FH: variants seen among roughly 807,000 people sequenced by gnomAD.
FH encodes fumarate hydratase, mitochondrial.
In FH, 22 loss-of-function variants were observed where a neutral mutation model predicts 49.4. The observed-to-expected ratio is 0.45, with a 90% CI of 0.32 to 0.64. The LOEUF (loss-of-function observed/expected upper bound fraction) is 0.64. Among genes scored for constraint, FH ranks in the 30% least tolerant of loss-of-function variants. FH has a pLI of 0.05. For missense variants in FH, 526 were observed against 641.5 expected (o/e 0.82, Z 1.95); for synonymous variants, 208 against 223.0 (o/e 0.93, Z 0.60).
chr1:241,511,453 TA>T (rs1009729428), intron 4 of FH, among the ~76,000 whole-genome samples: 3 of 152,172 alleles, frequency 2.0e-5, no homozygotes, highest in Non-Finnish European at 4.4e-5. Flanking sequence ...TGTCACAGAT[TA>T]GAAGAAACCA....
chr1:241,505,717 C>A (rs1286139178), intron 6 of FH, among the ~76,000 whole-genome samples: 2 of 152,144 alleles, frequency 1.3e-5, no homozygotes, highest in Non-Finnish European at 2.9e-5. Flanking sequence ...ATTTTGAAAA[C>A]TGCTATTCAA....
Position 241,500,544 on chromosome 1 carries a change from A to G in FH, c.1283T>C (p.Val428Ala), listed in dbSNP as rs201644919. The G allele has an allele frequency of 6.2e-6, 10 of 1,613,088 alleles. 1 individual carries two copies. In the East Asian group the frequency reaches 2.2e-4, roughly 36 times the overall value. ...CACCACGCAGTTTTCTGTAAAGGAA[A>G]CTGAAGCATCCCCCAGCAGCCTGGC... ...HSARLLGDASVSFTENCVVGI... is the reference protein window; with the variant it reads ...HSARLLGDASASFTENCVVGI... The change falls in exon 9 of 10, where the codon GTT (valine) becomes GCT (alanine). Residue 428 changes from valine to alanine, a missense_variant. Physicochemically the swap from Val to Ala is moderately conservative, Grantham distance 64 (BLOSUM62 0). Coordinates refer to ENST00000366560, the MANE Select transcript of FH (RefSeq NM_000143.4).
chr1:241,517,367 A>C (rs1395190796), intron 1 of FH, 51 bp from the exon 2 acceptor site: 1 of 1,603,896 alleles, frequency 6.2e-7, no homozygotes, highest in South Asian at 1.1e-5. Flanking sequence ...ACCCAGGATC[A>C]AAAGTAATCG....
intron 9 of FH, among the ~76,000 whole-genome samples, chr1:241,499,928 G>C (rs1308173464): frequency 6.6e-6 from 1 of 152,144 alleles, no homozygotes; most frequent in East Asian, 1.9e-4. Flanking sequence ...CAAAATATTT[G>C]CATTTTCCTT....
Position 241,517,332 on chromosome 1 carries a change from C to T in FH, c.133-16G>A, listed in dbSNP as rs200529043. 1.2e-6 allele frequency: 2 copies of T among 1,613,676 alleles called. No individual in the cohort carries two copies. The highest frequency in any genetic ancestry group is 2.2e-5 in the South Asian group (2 of 91,084). On this transcript the variant is annotated splice_polypyrimidine_tract_variant and intron_variant, in intron 1 of 9. Transcript: ENST00000366560. ...TTTGGCTTGCCTAAAGACAAGAATA[C>T]AACACTATTACAAGTTGAAAAGAAA...
At chr1:241,502,042 A>G (rs1659794510) in intron 8 of FH, among the ~76,000 whole-genome samples, 1 of 152,184 alleles carries the variant, frequency 6.6e-6, no homozygotes, top group African/African-American at 2.4e-5. Context: ...TGCCAGCTGG[A>G]CTGAGGTAGT....
intron 8 of FH, 32 bp downstream of exon 8, chr1:241,502,411 A>T: frequency 6.2e-7 from 1 of 1,613,108 alleles, no homozygotes; most frequent in Non-Finnish European, 8.5e-7. Context: ...GCCTTTGGTC[A>T]AAAAACATTA....
chr1:241,500,402 A>T (rs1341103481), intron 9 of FH, 35 bp downstream of exon 9: 2 of 1,606,490 alleles, frequency 1.2e-6, no homozygotes, highest in Middle Eastern at 1.7e-4. Context: ...TTAATTTTGC[A>T]TTCAAAATGA....
chr1:241,501,296 T>C (rs896276932), intron 8 of FH, among the ~76,000 whole-genome samples: 2 of 152,192 alleles, frequency 1.3e-5, no homozygotes, highest in Admixed American at 6.5e-5. Flanking sequence ...AGACATATAA[T>C]CTAAGTTTTA....
intron 2 of FH, among the ~76,000 whole-genome samples, chr1:241,516,385 C>A (rs774210591): frequency 7.9e-5 from 12 of 152,126 alleles, no homozygotes; most frequent in Non-Finnish European, 1.3e-4. Flanking sequence ...GAAGCTGTGA[C>A]CCTCAGCATA....
In FH at chr1:241,519,497, G is replaced by A. The variant is rs948413999; in HGVS notation, c.132+94C>T. ...GTCTGGCGCGGCCCGGACGCCCGGG[G>A]AATCTCTCCCGCCAAGTCGCGGGCG... On this transcript the variant is annotated intron_variant, in intron 1 of 9. Coordinates refer to ENST00000366560, the MANE Select transcript of FH (RefSeq NM_000143.4). 5.6e-6 allele frequency: 8 copies of A among 1,429,658 alleles called. No homozygotes were observed. In the East Asian group the frequency reaches 1.4e-4, roughly 24 times the overall value. The allele number at this position is 1,429,658 out of a possible 1,614,324, so 88.6% of individuals were successfully genotyped here. A position where few individuals can be genotyped will look rare whatever the true frequency, so the allele number is the denominator to read the frequency against.
chr1:241,517,797 A>T (rs958786408), intron 1 of FH, among the ~76,000 whole-genome samples: 1 of 152,098 alleles, frequency 6.6e-6, no homozygotes, highest in Non-Finnish European at 1.5e-5. Flanking sequence ...CATTATTTAC[A>T]TATATAAACA....
chr1:241,510,517 A>T (rs1660057925), intron 4 of FH, among the ~76,000 whole-genome samples: 1 of 152,230 alleles, frequency 6.6e-6, no homozygotes. Flanking sequence ...TAAATGGGAC[A>T]GAGAGAACAA....
At chr1:241,518,391 A>C (rs1191181478) in intron 1 of FH, among the ~76,000 whole-genome samples, 1 of 152,248 alleles carries the variant, frequency 6.6e-6, no homozygotes, top group East Asian at 1.9e-4. Context: ...ACAATAAATA[A>C]ATTTAAAAAT....
Position 241,516,208 on chromosome 1 carries a change from G to A in FH, c.267+974C>T, listed in dbSNP as rs116639835. ...AGTGAAAAGACAATCATTTAGTTCT[G>A]CCAAATAAAAATCCAAAATAACTAT... On this transcript the variant is annotated intron_variant, in intron 2 of 9. Coordinates refer to ENST00000366560, the MANE Select transcript of FH (RefSeq NM_000143.4). Among the ~76,000 whole-genome samples the A allele has an allele frequency of 3.5e-3, 529 of 152,196 alleles. 1 individual carries two copies. The Middle Eastern group carries it at 0.041, about 12-fold the overall frequency.
intron 4 of FH, 81 bp from the exon 5 acceptor site, chr1:241,508,866 TAAA>T: frequency 8.1e-7 from 1 of 1,237,668 alleles, no homozygotes; most frequent in South Asian, 1.3e-5. Flanking sequence ...ACTTCTCAAT[TAAA>T]AAACTCTCCA....
chr1:241,503,869 G>A (rs1171149099), intron 7 of FH, among the ~76,000 whole-genome samples, 173 bp downstream of exon 7: 1 of 152,222 alleles, frequency 6.6e-6, no homozygotes, highest in Non-Finnish European at 1.5e-5. Context: ...TTCCTATCTT[G>A]TCAGGTGACG....
chr1:241,505,107 C>T (rs1276380410), intron 6 of FH, among the ~76,000 whole-genome samples: 1 of 151,848 alleles, frequency 6.6e-6, no homozygotes, highest in Non-Finnish European at 1.5e-5. Context: ...GACAGGGTTT[C>T]GCCATGTTGA....
chr1:241,497,757 C>T lies in FH; in HGVS notation c.*71G>A, dbSNP rs534548610. ...ATAGCAGTTTCCTTTCAAACTTATC[C>T]GTTTTTAAGAAATGGGAGTCTGTTT... On this transcript the variant is annotated 3_prime_UTR_variant, in exon 10 of 10. Coordinates refer to ENST00000366560, the MANE Select transcript of FH (RefSeq NM_000143.4). 27 of 1,395,364 alleles carry T rather than the reference C, an allele frequency of 1.9e-5. No individual in the cohort carries two copies. In the East Asian group the frequency reaches 2.7e-4, roughly 14 times the overall value. The allele number at this position is 1,395,364 out of a possible 1,614,324, so 86.4% of individuals were successfully genotyped here.
Sources: gnomAD v4.1 joint callset for allele counts (sites outside exome capture counted in the v4.1 genomes callset) on GRCh38, gnomAD v4.1.1 for gene constraint, MANE v1.5 for transcripts, NCBI Gene and HGNC (gene_info 2026-07-23, HGNC 2026-07-21) for gene names.